The following DSTYK variants were observed in gnomAD, a reference collection of about 807,000 sequenced individuals.
The protein encoded by DSTYK is dual serine/threonine and tyrosine protein kinase.
DSTYK carries 34 observed loss-of-function variants against 98.7 expected under a neutral mutation model. The observed-to-expected ratio is 0.34, with a 90% CI of 0.26 to 0.46. The LOEUF (loss-of-function observed/expected upper bound fraction) is 0.46. DSTYK is among the 20% of genes least tolerant of loss of function. DSTYK has a pLI of 1.00. For synonymous variants in DSTYK, 462 were observed against 457.3 expected (o/e 1.01, Z -0.13); for missense variants, 962 against 1,181.7 (o/e 0.81, Z 2.73).
Position 205,169,826 on chromosome 1 carries a change from C to T in DSTYK, c.661G>A (p.Asp221Asn), listed in dbSNP as rs200086272. ...TMHHALLQEV[D>N]VVVAPCQGLR... is the part of the protein sequence containing the mutation. ...CCTTGGCATGGTGCTACCACAACGT[C>T]CACTTCCTGGAAGGGGAAGGGGGTC... Residue 221 changes from aspartate to asparagine, a missense_variant, in exon 3 of 13, where the codon GAC becomes AAC. By Grantham distance (23) the Asp-to-Asn change is conservative (BLOSUM62 1). This residue lies in a region of DSTYK where 660 missense variants were observed against 855.0 expected (regional missense o/e 0.77). Coordinates refer to ENST00000367162, the MANE Select transcript of DSTYK (RefSeq NM_015375.3). The surrounding 1 kb of genome is among the most constrained non-coding windows in gnomAD (Gnocchi z 4.0). 2.5e-6 allele frequency: 4 copies of T among 1,609,420 alleles called. No individual in the cohort carries two copies. Among genetic ancestry groups the T allele is most frequent in the Admixed American group, 3.4e-5 (2 of 59,538 alleles).
At chr1:205,164,061 T>C (rs749882859) in intron 3 of DSTYK, 106 bp from the exon 4 acceptor site, 14 of 920,328 alleles carry the variant, frequency 1.5e-5, no homozygotes, top group Admixed American at 2.2e-5. Flanking sequence ...GTGATGATGA[T>C]GGCTGCAAAA....
At chr1:205,152,290 G>A (rs1657427538) in intron 10 of DSTYK, among the ~76,000 whole-genome samples, 1 of 152,190 alleles carries the variant, frequency 6.6e-6, no homozygotes, top group Non-Finnish European at 1.5e-5. Context: ...CGATTCTCCT[G>A]CCTCAGCCTC....
chr1:205,202,166 A>G, intron 1 of DSTYK: 1 of 547,648 alleles, frequency 1.8e-6, no homozygotes, highest in Non-Finnish European at 3.7e-6. Context: ...TTCTTCCCCT[A>G]CGTGGCCTGA....
chr1:205,156,565 G>A (rs954881140), intron 10 of DSTYK, among the ~76,000 whole-genome samples: 5 of 152,150 alleles, frequency 3.3e-5, no homozygotes, highest in African/African-American at 4.8e-5. Context: ...ATTTGGAATG[G>A]GTGTATTTAC....
At chr1:205,153,305 AGGACTGGAG>A (rs1458909963) in intron 10 of DSTYK, among the ~76,000 whole-genome samples, 3 of 152,174 alleles carry the variant, frequency 2.0e-5, no homozygotes, top group Non-Finnish European at 4.4e-5. Context: ...TTCAAATTAC[AGGACTGGAG>A]GGTTCATGAC....
intron 1 of DSTYK, among the ~76,000 whole-genome samples, chr1:205,207,596 C>A (rs1659241775): frequency 6.7e-6 from 1 of 149,718 alleles, no homozygotes; most frequent in African/African-American, 2.4e-5. Context: ...ACTAAAAATA[C>A]AAAAACAAAA....
intron 1 of DSTYK, among the ~76,000 whole-genome samples, chr1:205,188,213 T>C (rs1658613513): frequency 6.6e-6 from 1 of 152,152 alleles, no homozygotes; most frequent in African/African-American, 2.4e-5. Context: ...AGGAGAAACG[T>C]AACTGAATGT....
chr1:205,175,166 A>G (rs992994235), intron 2 of DSTYK, among the ~76,000 whole-genome samples: 1 of 146,694 alleles, frequency 6.8e-6, no homozygotes, highest in African/African-American at 2.5e-5. Flanking sequence ...CAGTGGCGCA[A>G]TCTTGGCTCA....
Position 205,187,513 on chromosome 1 carries a change from T to C in DSTYK, c.559A>G (p.Ile187Val), listed in dbSNP as rs1658589268. ...LVAHQGNWET[I>V]PEEDLEVQEN... ...TGGACCTCCAGATCCTCCTCAGGGA[T>C]GGTCTCCCAGTTGCCCTGATGAGCA... The change falls in exon 2 of 13, where the codon ATC becomes GTC. Residue 187 changes from isoleucine (I) to valine (V), a missense_variant. Ile to Val is a conservative substitution (Grantham distance 29). Coordinates refer to ENST00000367162, the MANE Select transcript of DSTYK (RefSeq NM_015375.3). 6.2e-7 allele frequency: 1 copy of C among 1,614,064 alleles called. No individual in the cohort carries two copies. The highest frequency in any genetic ancestry group is 1.3e-5 in the African/African-American group (1 of 74,914).
At chr1:205,195,118 T>C (rs1374874514) in intron 1 of DSTYK, among the ~76,000 whole-genome samples, 1 of 133,786 alleles carries the variant, frequency 7.5e-6, no homozygotes, top group East Asian at 1.9e-4. Context: ...TGAGCCACCA[T>C]GCCTGGCCAA....
At chr1:205,155,354 T>C (rs1219680889) in intron 10 of DSTYK, among the ~76,000 whole-genome samples, 1 of 151,990 alleles carries the variant, frequency 6.6e-6, no homozygotes, top group Non-Finnish European at 1.5e-5. Flanking sequence ...ATTTGCAGCC[T>C]GACAATGTGA....
At chr1:205,171,969 T>G (rs1658077218) in intron 2 of DSTYK, among the ~76,000 whole-genome samples, 1 of 152,210 alleles carries the variant, frequency 6.6e-6, no homozygotes, top group African/African-American at 2.4e-5. Flanking sequence ...ATTGATTGAT[T>G]GATTGAGATG....
At chr1:205,187,141 A>C (rs1317553004) in intron 2 of DSTYK, among the ~76,000 whole-genome samples, 1 of 152,206 alleles carries the variant, frequency 6.6e-6, no homozygotes, top group Non-Finnish European at 1.5e-5. Context: ...CTAAGATACA[A>C]GTATCACATA....
intron 7 of DSTYK, among the ~76,000 whole-genome samples, chr1:205,160,948 T>G (rs548223162): frequency 3.9e-5 from 6 of 151,978 alleles, no homozygotes; most frequent in Admixed American, 3.3e-4. Context: ...CCCAGCTAAT[T>G]TTTTTAGTAG....
At chr1:205,202,802 G>C (rs1488739875) in intron 1 of DSTYK, 6 of 552,200 alleles carry the variant, frequency 1.1e-5, no homozygotes, top group East Asian at 3.2e-5. Flanking sequence ...AGAAAAGAAA[G>C]TAAATAAAGG....
chr1:205,179,124 G>A (rs1329757608), intron 2 of DSTYK, among the ~76,000 whole-genome samples: 2 of 149,450 alleles, frequency 1.3e-5, no homozygotes, highest in Non-Finnish European at 3.0e-5. Flanking sequence ...GTGAGATACT[G>A]TCTCAAAAAA....
intron 6 of DSTYK, 133 bp downstream of exon 6, chr1:205,161,903 T>C (rs1657732125): frequency 4.3e-6 from 3 of 699,132 alleles, no homozygotes; most frequent in Non-Finnish European, 6.7e-6. Context: ...TGTGTATATA[T>C]ATGTGTATAT....
intron 1 of DSTYK, among the ~76,000 whole-genome samples, chr1:205,209,784 T>C (rs1261054314): frequency 6.6e-6 from 1 of 152,108 alleles, no homozygotes; most frequent in Non-Finnish European, 1.5e-5. Flanking sequence ...GAACAATTCA[T>C]CCAGTTCTAA....
rs539234545 is a variant in DSTYK at position 205,187,869 on chromosome 1, G to A, written c.266-63C>T. 8.6e-5 allele frequency: 117 copies of A among 1,357,662 alleles called. No individual in the cohort carries two copies. In the South Asian group the frequency reaches 1.4e-3, roughly 16 times the overall value. 84.1% of individuals were successfully genotyped at this position (1,357,662 alleles called of 1,614,324 possible). On this transcript the variant is annotated intron_variant, in intron 1 of 12. Transcript: ENST00000367162. ...GTAGAGAGAGAGGAGTGAGGAAGGG[G>A]AGAGAGAGAGACTCACGCAGAAATC...
Sources: allele counts gnomAD v4.1 joint callset (sites outside exome capture counted in the v4.1 genomes callset), GRCh38; gene constraint gnomAD v4.1.1; regional missense constraint gnomAD v4.1.1; non-coding constraint Gnocchi (gnomAD v3.1); transcripts MANE v1.5; gene names NCBI Gene and HGNC (gene_info 2026-07-23, HGNC 2026-07-21).